The following CALN1 variants were observed in gnomAD, a reference collection of about 807,000 sequenced individuals.
CALN1 encodes calneuron 1.
In CALN1, 17 loss-of-function variants were observed where a neutral mutation model predicts 30.6. The observed-to-expected ratio is 0.56, with a 90% CI of 0.38 to 0.83. CALN1 has a LOEUF of 0.83. Among genes scored for constraint, CALN1 ranks in the 40% least tolerant of loss-of-function variants. CALN1 has a pLI of 0.00. For synonymous variants in CALN1, 156 were observed against 131.4 expected, an observed-to-expected ratio of 1.19 and a Z score of -1.28; for missense variants, 291 against 354.9, an observed-to-expected ratio of 0.82 and a Z score of 1.45.
the CALN1 span, among the ~76,000 whole-genome samples, chr7:72,474,616 T>C: frequency 6.6e-6 from 1 of 151,946 alleles, no homozygotes; most frequent in Non-Finnish European, 1.5e-5. Context: ...GCTGGGAAGG[T>C]TGAGGATGCA....
intron 1 of CALN1, among the ~76,000 whole-genome samples, chr7:72,426,161 G>C (rs1244066185): frequency 6.6e-6 from 1 of 152,234 alleles, no homozygotes; most frequent in Non-Finnish European, 1.5e-5. Flanking sequence ...CTGTGTGGAT[G>C]AGCCTCACCT....
At chr7:72,375,676 C>T (rs975068336) in intron 2 of CALN1, among the ~76,000 whole-genome samples, 1 of 152,028 alleles carries the variant, frequency 6.6e-6, no homozygotes, top group Admixed American at 6.6e-5. Context: ...GAGACAGTGT[C>T]TTGCTATATT....
intron 4 of CALN1, among the ~76,000 whole-genome samples, chr7:72,077,305 G>A (rs1193728299): frequency 2.0e-5 from 3 of 152,090 alleles, no homozygotes; most frequent in Non-Finnish European, 4.4e-5. Context: ...ACGGAGTCTC[G>A]CTCTGTCGCC....
At chr7:71,838,984 A>AT (rs927563920) in intron 5 of CALN1, among the ~76,000 whole-genome samples, 1 of 151,912 alleles carries the variant, frequency 6.6e-6, no homozygotes, top group African/African-American at 2.4e-5. Context: ...GATTTTTAAA[A>AT]TTTTCTTTAG....
At chr7:72,309,255 T>C (rs1448423120) in intron 2 of CALN1, among the ~76,000 whole-genome samples, 1 of 152,210 alleles carries the variant, frequency 6.6e-6, no homozygotes, top group African/African-American at 2.4e-5. Context: ...CATTCATTTA[T>C]CCTAGAAATC....
chr7:72,279,583 AG>A (rs1401578317), intron 2 of CALN1, among the ~76,000 whole-genome samples: 5 of 152,248 alleles, frequency 3.3e-5, no homozygotes, highest in African/African-American at 1.2e-4. Context: ...AATGGGGCTT[AG>A]AAGTTTCCAC....
intron 5 of CALN1, among the ~76,000 whole-genome samples, chr7:71,943,886 T>C (rs988354457): frequency 6.6e-6 from 1 of 151,982 alleles, no homozygotes; most frequent in African/African-American, 2.4e-5. Flanking sequence ...AGGATGAAAA[T>C]GGGGAGTGAG....
At chr7:71,864,631 C>T (rs1018566620) in intron 5 of CALN1, among the ~76,000 whole-genome samples, 3 of 152,114 alleles carry the variant, frequency 2.0e-5, no homozygotes, top group Non-Finnish European at 2.9e-5. Flanking sequence ...CCTCCTGACC[C>T]ACGGAGACTG....
intron 2 of CALN1, among the ~76,000 whole-genome samples, chr7:72,363,738 T>A (rs1306405408): frequency 6.7e-6 from 1 of 149,698 alleles, no homozygotes; most frequent in Non-Finnish European, 1.5e-5. Flanking sequence ...TTTTTTTTTT[T>A]TTTTTTGAGA....
chr7:72,101,281 G>C (rs757923296), intron 4 of CALN1, among the ~76,000 whole-genome samples: 12 of 152,162 alleles, frequency 7.9e-5, no homozygotes, highest in Admixed American at 2.0e-4. Context: ...CAGAATCAAA[G>C]ACCCAAAGCC....
At chr7:72,033,635 AG>A (rs1801597596) in intron 4 of CALN1, among the ~76,000 whole-genome samples, 1 of 152,108 alleles carries the variant, frequency 6.6e-6, no homozygotes, top group South Asian at 2.1e-4. Context: ...AGCAATGGTG[AG>A]GATGCCAGGA....
At chr7:72,131,276 A>C (rs181851986) in intron 3 of CALN1, among the ~76,000 whole-genome samples, 8 of 152,154 alleles carry the variant, frequency 5.3e-5, no homozygotes, top group African/African-American at 1.9e-4. Context: ...CAAGATCCTT[A>C]AAGATGAATG....
intron 3 of CALN1, among the ~76,000 whole-genome samples, chr7:72,239,188 G>A (rs1794676531): frequency 6.6e-6 from 1 of 152,174 alleles, no homozygotes; most frequent in Admixed American, 6.5e-5. Flanking sequence ...CTAGAGGCCA[G>A]GAGCTTGAGA....
chr7:71,835,922 CT>C (rs1205576314), intron 5 of CALN1, among the ~76,000 whole-genome samples: 1 of 152,170 alleles, frequency 6.6e-6, no homozygotes, highest in Non-Finnish European at 1.5e-5. Flanking sequence ...CAAATATGTA[CT>C]TCTCTCACTT....
intron 3 of CALN1, among the ~76,000 whole-genome samples, chr7:72,273,521 CT>C (rs1562823790): frequency 1.2e-5 from 1 of 83,834 alleles, no homozygotes; most frequent in East Asian, 8.6e-4. Context: ...TTTTTTTTTT[CT>C]TCCCCCTAGA....
chr7:72,012,950 C>T (rs958474198), intron 5 of CALN1, among the ~76,000 whole-genome samples: 2 of 152,130 alleles, frequency 1.3e-5, no homozygotes, highest in African/African-American at 4.8e-5. Flanking sequence ...TGCACGCCAC[C>T]ACGCTTGGCT....
At chr7:71,812,740 T>C (rs1274144112) in intron 5 of CALN1, among the ~76,000 whole-genome samples, 1 of 151,998 alleles carries the variant, frequency 6.6e-6, no homozygotes, top group Non-Finnish European at 1.5e-5. Flanking sequence ...CCCCCATTTC[T>C]ATTTCTAGTT....
At chr7:72,329,158 C>G (rs1801488491) in intron 2 of CALN1, among the ~76,000 whole-genome samples, 1 of 152,314 alleles carries the variant, frequency 6.6e-6, no homozygotes. Flanking sequence ...TTAAACAAAA[C>G]TGAAATCATA....
intron 1 of CALN1, among the ~76,000 whole-genome samples, chr7:72,408,843 A>C (rs1177208686): frequency 6.6e-6 from 1 of 151,300 alleles, no homozygotes; most frequent in Non-Finnish European, 1.5e-5. Context: ...ACTCCTGGCT[A>C]ATTTTTGTAT....
Sources: allele counts gnomAD v4.1 joint callset (sites outside exome capture counted in the v4.1 genomes callset), GRCh38; gene constraint gnomAD v4.1.1; transcripts MANE v1.5; gene names NCBI Gene and HGNC (gene_info 2026-07-23, HGNC 2026-07-21).